Variants in KIF20B observed in about 807,000 individuals in gnomAD.
KIF20B encodes kinesin-like protein KIF20B.
In KIF20B, 188 loss-of-function variants were observed where a neutral mutation model predicts 232.5. The ratio of observed to expected loss-of-function variants is 0.81; its 90% confidence interval spans 0.72 to 0.91. The LOEUF (loss-of-function observed/expected upper bound fraction) is 0.91. KIF20B is among the 40% of genes least tolerant of loss of function. KIF20B has a pLI of 0.00. For synonymous variants in KIF20B, 712 were observed against 683.0 expected (o/e 1.04, Z -0.66); for missense variants, 2,154 against 2,055.9 (o/e 1.05, Z -0.92).
At position 89,752,659 on chromosome 10, in the gene KIF20B, G is replaced by A; in HGVS notation, c.4315G>A (p.Gly1439Arg). 1.3e-6 allele frequency: 2 copies of A among 1,586,824 alleles called. No homozygotes were observed. The highest frequency in any genetic ancestry group is 1.8e-5 in the Admixed American group (1 of 55,720). The change falls in exon 25 of 33, where the codon GGA (glycine) becomes AGA (arginine). Residue 1439 changes from glycine (G) to arginine (R), a missense_variant. Transcript: ENST00000371728. The stretch of plus-strand genomic sequence containing the variant: ...ACATGAGAACAACACAGATGTGCTT[G>A]GAAAGCTCACTAATCTTCAAGATGA... The part of the protein sequence containing the change: ...KEHENNTDVL[G>R]KLTNLQDELQ...
At chr10:89,753,627 T>G (rs1842064054) in intron 25 of KIF20B, among the ~76,000 whole-genome samples, 1 of 152,180 alleles carries the variant, frequency 6.6e-6, no homozygotes, top group South Asian at 2.1e-4. Context: ...AGAAGTTTTC[T>G]TTTCGTTTTT....
At chr10:89,725,189 A>T (rs777215639) in intron 15 of KIF20B, 31 bp downstream of exon 15, 18 of 1,608,386 alleles carry the variant, frequency 1.1e-5, no homozygotes, top group Non-Finnish European at 1.4e-5. Context: ...AAAAATATCC[A>T]GTGAGGTTTT....
chr10:89,765,925 C>G (rs985143791), intron 29 of KIF20B, among the ~76,000 whole-genome samples: 2 of 152,002 alleles, frequency 1.3e-5, no homozygotes, highest in Admixed American at 6.6e-5. Flanking sequence ...CTCTTTGGCT[C>G]CCCTTAACAT....
At chr10:89,705,642 A>G (rs1243536347) in intron 2 of KIF20B, among the ~76,000 whole-genome samples, 1 of 152,196 alleles carries the variant, frequency 6.6e-6, no homozygotes, top group East Asian at 1.9e-4. Flanking sequence ...TTCAAACATC[A>G]CTGTCCATAA....
At position 89,767,677 on chromosome 10, in the gene KIF20B, A is replaced by G. The variant is rs112114106; in HGVS notation, c.4990-613A>G. Among the ~76,000 whole-genome samples, 629 of 152,194 alleles carry G rather than the reference A, an allele frequency of 4.1e-3. 5 individuals are homozygous for G. The highest frequency in any genetic ancestry group is 0.014 in the African/African-American group (573 of 41,552). On this transcript the variant is annotated intron_variant, in intron 29 of 32. Coordinates refer to ENST00000371728, the MANE Select transcript of KIF20B (RefSeq NM_001284259.2). ...GAGGTTATTTGGGGAAAAGAAGAGTAAGATGCCATACCCATGTTGTAGAGA... is the reference window on the plus strand; with the variant it reads ...GAGGTTATTTGGGGAAAAGAAGAGTGAGATGCCATACCCATGTTGTAGAGA...
At chr10:89,723,184 A>T (rs1383607355) in intron 13 of KIF20B, among the ~76,000 whole-genome samples, 1 of 152,218 alleles carries the variant, frequency 6.6e-6, no homozygotes, top group Non-Finnish European at 1.5e-5. Flanking sequence ...CTATTTTCAA[A>T]TATAAAGTTG....
chr10:89,705,328 C>T lies in KIF20B; in HGVS notation c.34C>T (p.Arg12Ter). The T allele has an allele frequency of 6.2e-7, 1 of 1,613,856 alleles. No homozygotes were observed. The highest frequency in any genetic ancestry group is 1.1e-5 in the South Asian group (1 of 91,082). Residue 12 changes from arginine (R) to a stop codon, truncating the protein, a stop_gained, in exon 2 of 33, where the codon CGA (arginine) becomes TGA (stop). Coordinates refer to ENST00000371728, the MANE Select transcript of KIF20B (RefSeq NM_001284259.2). LOFTEE classifies it high-confidence loss of function. ...TAATTTTAATCAAGAGGGAGTACCT[C>T]GACCATCTTATGTTTTTAGTGCTGA... ...ESNFNQEGVP[R>*]PSYVFSADPI...
At chr10:89,725,528 A>G (rs970015626) in intron 15 of KIF20B, among the ~76,000 whole-genome samples, 6 of 152,212 alleles carry the variant, frequency 3.9e-5, no homozygotes, top group African/African-American at 1.4e-4. Context: ...GATTAAAACA[A>G]AAATGTTTAT....
At chr10:89,726,735 T>C (rs1246516612) in intron 16 of KIF20B, among the ~76,000 whole-genome samples, 1 of 152,156 alleles carries the variant, frequency 6.6e-6, no homozygotes, top group Admixed American at 6.5e-5. Flanking sequence ...ACCAATATTA[T>C]TAGAAAATGA....
intron 23 of KIF20B, among the ~76,000 whole-genome samples, chr10:89,750,572 A>G (rs535635894): frequency 6.6e-6 from 1 of 152,310 alleles, no homozygotes; most frequent in South Asian, 2.1e-4. Flanking sequence ...CTATGCATTT[A>G]TAGCTTTATC....
chr10:89,738,200 T>G lies in KIF20B; in HGVS notation c.3359T>G (p.Leu1120Arg). 3 of 1,605,034 alleles carry G rather than the reference T, an allele frequency of 1.9e-6. No individual in the cohort carries two copies. The highest frequency in any genetic ancestry group is 2.5e-6 in the Non-Finnish European group (3 of 1,178,412). ...GACCTACTAAAAGAAAAAGAAACTC[T>G]TATACAGCAGCTGAAAGAAGAATTG... The part of the protein sequence containing the change: ...QDDLLKEKET[L>R]IQQLKEELQE... Residue 1120 changes from leucine (L) to arginine (R), a missense_variant, in exon 20 of 33, where the codon CTT becomes CGT. Transcript: ENST00000371728.
rs746383366 is a variant in KIF20B, at chr10:89,715,053, G to C, written c.811G>C (p.Val271Leu). The change falls in exon 8 of 33, where the codon GTG becomes CTG. Residue 271 changes from valine to leucine, a missense_variant. Transcript: ENST00000371728. ...TATGGCTAATAGTATAAAATTTTCT[G>C]TGTGGGTTTCTTTCTTTGAAATTTA... Reference protein sequence around the residue: ...LNMANSIKFSVWVSFFEIYNE... With the variant: ...LNMANSIKFSLWVSFFEIYNE... 1 of 1,606,274 alleles carries C rather than the reference G, an allele frequency of 6.2e-7. No individual in the cohort carries two copies. Among genetic ancestry groups the C allele is most frequent in the Admixed American group, 1.7e-5 (1 of 59,678 alleles).
intron 19 of KIF20B, among the ~76,000 whole-genome samples, chr10:89,736,403 G>A (rs981662699): frequency 1.2e-4 from 18 of 151,684 alleles, no homozygotes; most frequent in Non-Finnish European, 4.4e-5. Context: ...GGGCACTTAC[G>A]TGGGGTGAGT....
intron 26 of KIF20B, 24 bp downstream of exon 26, chr10:89,754,697 T>G (rs1842086115): frequency 8.8e-6 from 13 of 1,475,334 alleles, no homozygotes; most frequent in Non-Finnish European, 1.2e-5. Flanking sequence ...GTATCTTTGA[T>G]GTATTTCACC....
chr10:89,755,157 C>T (rs1842094769), intron 26 of KIF20B, among the ~76,000 whole-genome samples: 1 of 152,160 alleles, frequency 6.6e-6, no homozygotes, highest in South Asian at 2.1e-4. Flanking sequence ...CTTAGTCTGA[C>T]ATGCCATGTT....
At chr10:89,708,495 G>A (rs1223287925) in intron 2 of KIF20B, among the ~76,000 whole-genome samples, 1 of 152,154 alleles carries the variant, frequency 6.6e-6, no homozygotes, top group Non-Finnish European at 1.5e-5. Flanking sequence ...ACAGGCATGA[G>A]CCACCGCTCC....
At chr10:89,733,635 T>G (rs984949993) in intron 19 of KIF20B, among the ~76,000 whole-genome samples, 1 of 152,134 alleles carries the variant, frequency 6.6e-6, no homozygotes, top group African/African-American at 2.4e-5. Context: ...TAGAATAAAC[T>G]GAAAATCTTG....
intron 23 of KIF20B, among the ~76,000 whole-genome samples, chr10:89,751,106 A>G (rs1208912455): frequency 1.3e-5 from 2 of 152,038 alleles, no homozygotes; most frequent in Admixed American, 6.6e-5. Flanking sequence ...TTTTCCATTC[A>G]TCCACTCTTG....
intron 13 of KIF20B, among the ~76,000 whole-genome samples, chr10:89,722,088 A>G (rs573573774): frequency 6.6e-6 from 1 of 152,116 alleles, no homozygotes; most frequent in African/African-American, 2.4e-5. Context: ...ATTTTTAAAA[A>G]TGTTTTGTAG....
Sources: allele counts gnomAD v4.1 joint callset (sites outside exome capture counted in the v4.1 genomes callset), GRCh38; gene constraint gnomAD v4.1.1; transcripts MANE v1.5; gene names NCBI Gene and HGNC (gene_info 2026-07-23, HGNC 2026-07-21).